DISC1: variants seen among roughly 807,000 people sequenced by gnomAD.
DISC1 encodes the protein disrupted in schizophrenia 1 protein.
DISC1 carries 57 observed loss-of-function variants against 84.5 expected under a neutral mutation model. The ratio of observed to expected loss-of-function variants is 0.67; its 90% CI spans 0.55 to 0.84. DISC1 has a LOEUF of 0.84. DISC1 is among the 40% of genes least tolerant of loss of function. DISC1 has a pLI of 0.00. For synonymous variants in DISC1, 411 were observed against 415.2 expected, an observed-to-expected ratio of 0.99 and a Z score of 0.12; for missense variants, 1,000 against 1,057.8, an observed-to-expected ratio of 0.95 and a Z score of 0.76.
At chr1:231,859,344 C>G (rs944870977) in intron 9 of DISC1, among the ~76,000 whole-genome samples, 3 of 152,186 alleles carry the variant, frequency 2.0e-5, no homozygotes, top group Non-Finnish European at 4.4e-5. Context: ...TCTCACAGTT[C>G]TGGAGGCTGG....
chr1:231,886,593 T>C (rs201859425), intron 9 of DISC1, among the ~76,000 whole-genome samples: 27 of 152,326 alleles, frequency 1.8e-4, no homozygotes, highest in Admixed American at 1.3e-3. Flanking sequence ...GTGCTTCTTC[T>C]TAAGGTTTTG....
intron 9 of DISC1, among the ~76,000 whole-genome samples, chr1:231,916,875 G>A (rs906165511): frequency 7.9e-5 from 12 of 152,150 alleles, no homozygotes; most frequent in Non-Finnish European, 1.8e-4. Context: ...GGGCAGGTAA[G>A]TTTCTGTGCA....
At chr1:231,985,123 C>G (rs1664215257) in intron 10 of DISC1, among the ~76,000 whole-genome samples, 1 of 151,948 alleles carries the variant, frequency 6.6e-6, no homozygotes, top group African/African-American at 2.4e-5. Flanking sequence ...AAGTTCGAGA[C>G]CAGCCTGGCC....
intron 3 of DISC1, among the ~76,000 whole-genome samples, chr1:231,717,936 T>C (rs370577527): frequency 2.6e-5 from 4 of 152,234 alleles, no homozygotes; most frequent in African/African-American, 7.2e-5. Context: ...TTTCCCACCA[T>C]CCCTCTAGAA....
intron 9 of DISC1, among the ~76,000 whole-genome samples, chr1:231,890,303 T>A (rs554505012): frequency 6.6e-6 from 1 of 152,204 alleles, no homozygotes; most frequent in Admixed American, 6.5e-5. Context: ...GGAAATTTCT[T>A]TGTCAGTAAA....
At chr1:231,785,799 C>T (rs924772054) in intron 6 of DISC1, among the ~76,000 whole-genome samples, 1 of 152,138 alleles carries the variant, frequency 6.6e-6, no homozygotes, top group African/African-American at 2.4e-5. Context: ...AATTTCTCAT[C>T]TCCTGTAGCT....
At chr1:232,026,407 A>C in intron 11 of DISC1, 28 bp from the exon 12 acceptor site, 2 of 1,497,276 alleles carry the variant, frequency 1.3e-6, no homozygotes, top group Non-Finnish European at 1.8e-6. Flanking sequence ...GGCACTAACA[A>C]GTGATCTTGT....
intron 9 of DISC1, among the ~76,000 whole-genome samples, chr1:231,901,667 A>G (rs949951937): frequency 6.6e-6 from 1 of 152,232 alleles, no homozygotes; most frequent in Non-Finnish European, 1.5e-5. Context: ...AAATGCAATG[A>G]TGCCATCATC....
At chr1:231,631,441 A>G (rs529827607) in intron 1 of DISC1, among the ~76,000 whole-genome samples, 3 of 152,292 alleles carry the variant, frequency 2.0e-5, no homozygotes, top group African/African-American at 7.2e-5. Context: ...AGGAGGTATC[A>G]GAAGAAGGCA....
intron 9 of DISC1, among the ~76,000 whole-genome samples, chr1:231,887,593 G>A (rs2086860865): frequency 6.6e-6 from 1 of 152,188 alleles, no homozygotes; most frequent in Admixed American, 6.5e-5. Flanking sequence ...ATACCATTAA[G>A]TCTACAGGAC....
chr1:231,739,565 G>A (rs201950599), intron 3 of DISC1, among the ~76,000 whole-genome samples: 3 of 152,142 alleles, frequency 2.0e-5, no homozygotes, highest in African/African-American at 4.8e-5. Flanking sequence ...GCCGCTCACT[G>A]CCACCTTTTC....
At chr1:231,842,843 AT>A (rs950036356) in intron 9 of DISC1, among the ~76,000 whole-genome samples, 8 of 152,280 alleles carry the variant, frequency 5.3e-5, no homozygotes, top group Non-Finnish European at 8.8e-5. Flanking sequence ...AATATATAGG[AT>A]TATGATTCAA....
intron 10 of DISC1, among the ~76,000 whole-genome samples, chr1:231,995,664 A>G (rs979739068): frequency 1.3e-5 from 2 of 152,072 alleles, no homozygotes; most frequent in African/African-American, 2.4e-5. Context: ...TACAAAGGAC[A>G]TGAACTCATC....
At chr1:231,721,187 CTG>C (rs2069634969) in intron 3 of DISC1, 25 of 1,069,172 alleles carry the variant, frequency 2.3e-5, no homozygotes, top group Admixed American at 5.5e-5. Context: ...CATATAAAAA[CTG>C]TGCTGATTGA....
chr1:231,894,158 G>C (rs962215045), intron 9 of DISC1, among the ~76,000 whole-genome samples: 4 of 152,186 alleles, frequency 2.6e-5, no homozygotes, highest in Non-Finnish European at 5.9e-5. Flanking sequence ...AATGGTCCCA[G>C]AGTAAAGATA....
intron 9 of DISC1, among the ~76,000 whole-genome samples, chr1:231,935,332 G>A (rs1017899597): frequency 3.3e-5 from 5 of 152,198 alleles, no homozygotes; most frequent in East Asian, 1.9e-4. Context: ...TGTTGGGGGC[G>A]TGGGGCGTGG....
At chr1:231,845,884 G>A (rs932368175) in intron 9 of DISC1, among the ~76,000 whole-genome samples, 1 of 152,122 alleles carries the variant, frequency 6.6e-6, no homozygotes, top group Non-Finnish European at 1.5e-5. Flanking sequence ...GAAGTGAGGT[G>A]GGATGGTGAG....
intron 10 of DISC1, among the ~76,000 whole-genome samples, chr1:231,964,788 G>A (rs1240692375): frequency 1.3e-5 from 2 of 152,236 alleles, no homozygotes; most frequent in Non-Finnish European, 2.9e-5. Flanking sequence ...GTGCATCTTA[G>A]TGACTGCTTG....
At chr1:231,801,388 A>C (rs778167589) in intron 8 of DISC1, among the ~76,000 whole-genome samples, 14 of 152,220 alleles carry the variant, frequency 9.2e-5, no homozygotes, top group South Asian at 6.2e-4. Flanking sequence ...TGTTAAGCCC[A>C]AGGGAAGAAA....
Sources: gnomAD v4.1 joint callset for allele counts (sites outside exome capture counted in the v4.1 genomes callset) on GRCh38, gnomAD v4.1.1 for gene constraint, MANE v1.5 for transcripts, NCBI Gene and HGNC (gene_info 2026-07-23, HGNC 2026-07-21) for gene names.